The following AREL1 variants were observed in gnomAD, a reference collection of about 807,000 sequenced individuals.
AREL1 encodes apoptosis resistant E3 ubiquitin protein ligase 1.
Under a neutral mutation model 99.0 loss-of-function variants are expected in AREL1, and 62 were observed. The observed-to-expected ratio is 0.63, with a 90% confidence interval of 0.51 to 0.77. The LOEUF is 0.77. Among genes scored for constraint, AREL1 ranks in the 30% least tolerant of loss-of-function variants. The pLI is 0.00. For missense variants in AREL1, 879 were observed against 1,027.6 expected (o/e 0.86, Z 1.98); for synonymous variants, 380 against 376.5 (o/e 1.01, Z -0.11).
chr14:74,694,631 G>A (rs1485297671), intron 1 of AREL1, among the ~76,000 whole-genome samples: 4 of 152,064 alleles, frequency 2.6e-5, no homozygotes, highest in Non-Finnish European at 5.9e-5. Context: ...CACATTTTTG[G>A]TGGGGACTGA....
At chr14:74,688,019 CTTTTTTTTTTTT>C (rs764034669) in intron 2 of AREL1, among the ~76,000 whole-genome samples, 1 of 108,704 alleles carries the variant, frequency 9.2e-6, no homozygotes, top group Non-Finnish European at 1.9e-5. Context: ...TGAGTACTTA[CTTTTTTTTTTTT>C]TTTTTTTTTT....
At chr14:74,712,037 GCAAAAAAAAAA>G (rs2090304779) in intron 1 of AREL1, 1 of 11,364 alleles carries the variant, frequency 8.8e-5, no homozygotes, top group Non-Finnish European at 1.7e-4. Flanking sequence ...AAGACAAAGT[GCAAAAAAAAAA>G]AAAAAAAAAA....
At chr14:74,672,557 C>T (rs1239677091) in intron 11 of AREL1, among the ~76,000 whole-genome samples, 1 of 151,952 alleles carries the variant, frequency 6.6e-6, no homozygotes, top group African/African-American at 2.4e-5. Context: ...AGCAATATGG[C>T]AAAATCCCAT....
chr14:74,692,497 C>T (rs2089903647), intron 1 of AREL1, among the ~76,000 whole-genome samples, 169 bp from the exon 2 acceptor site: 3 of 152,188 alleles, frequency 2.0e-5, no homozygotes, highest in South Asian at 2.1e-4. Context: ...AAACTCCACA[C>T]AGTTTCCTTG....
At chr14:74,710,335 G>A (rs2090256853) in intron 1 of AREL1, among the ~76,000 whole-genome samples, 1 of 152,160 alleles carries the variant, frequency 6.6e-6, no homozygotes, top group African/African-American at 2.4e-5. Context: ...CTCAATAGAG[G>A]TTACAATAGA....
In AREL1 at chr14:74,684,487, A is replaced by G; in HGVS notation, c.210T>C (p.Tyr70=). The change falls in exon 4 of 20, where the codon TAT becomes TAC. Residue 70 remains tyrosine, a synonymous_variant. Transcript: ENST00000356357. Reference sequence around the variant, plus strand: ...GGAAGGCCATGCTGTGGCCCACCTCATAGGGGTCCTTCCAATCCCAGGAGA... The same window carrying G: ...GGAAGGCCATGCTGTGGCCCACCTCGTAGGGGTCCTTCCAATCCCAGGAGA... ...CKVSWDWKDP[Y]EVGHSMAFRV... is the part of the protein sequence containing the mutation. The G allele has an allele frequency of 6.2e-7, 1 of 1,614,166 alleles. No homozygotes were observed. The highest frequency in any genetic ancestry group is 8.5e-7 in the Non-Finnish European group (1 of 1,180,008).
Position 74,669,724 on chromosome 14 carries a change from G to C in AREL1, c.1839C>G (p.Ile613Met). ...CCATCTCACTCATGTCATTGTTGAG[G>C]ATAAAACAAACTTTAGATTTGTAGA... ...PEFYKSKVCF[I>M]LNNDMSEMEL... The change falls in exon 15 of 20, where the codon ATC (isoleucine) becomes ATG (methionine). Residue 613 changes from isoleucine (I) to methionine (M), a missense_variant. Physicochemically the swap from Ile to Met is conservative, Grantham distance 10. Transcript: ENST00000356357. 1 of 1,614,104 alleles carries C rather than the reference G, an allele frequency of 6.2e-7. No individual in the cohort carries two copies. Among genetic ancestry groups the C allele is most frequent in the Non-Finnish European group, 8.5e-7 (1 of 1,180,000 alleles).
chr14:74,705,778 A>G (rs995256154), intron 1 of AREL1, among the ~76,000 whole-genome samples: 5 of 152,324 alleles, frequency 3.3e-5, no homozygotes, highest in African/African-American at 9.6e-5. Context: ...ATTCTCTCTA[A>G]AACAAGCCAG....
intron 2 of AREL1, 127 bp downstream of exon 2, chr14:74,691,914 C>A: frequency 5.7e-6 from 1 of 175,470 alleles, no homozygotes; most frequent in South Asian, 1.0e-4. Context: ...CTGCTGGGGA[C>A]AAAGTCAATT....
chr14:74,689,981 C>T (rs2089839750), intron 2 of AREL1, among the ~76,000 whole-genome samples: 1 of 151,568 alleles, frequency 6.6e-6, no homozygotes, highest in African/African-American at 2.4e-5. Context: ...GGCATGGTGG[C>T]TCATGTCTGT....
intron 1 of AREL1, among the ~76,000 whole-genome samples, chr14:74,707,966 A>G (rs2090217149): frequency 6.6e-6 from 1 of 152,038 alleles, no homozygotes; most frequent in Non-Finnish European, 1.5e-5. Flanking sequence ...TCAGAAAAAA[A>G]AAAAAAAAAA....
chr14:74,702,938 A>G (rs1310495154), intron 1 of AREL1, among the ~76,000 whole-genome samples: 2 of 152,168 alleles, frequency 1.3e-5, no homozygotes, highest in South Asian at 4.1e-4. Flanking sequence ...TTCAATGTCC[A>G]TATCATCACC....
intron 1 of AREL1, among the ~76,000 whole-genome samples, chr14:74,702,535 C>T (rs1030012339): frequency 3.3e-5 from 5 of 152,146 alleles, no homozygotes; most frequent in Admixed American, 2.6e-4. Flanking sequence ...CCTTCAAAAC[C>T]ATTTTTTCCT....
At chr14:74,699,970 TGGGTTGCCA>T (rs2090053061) in intron 1 of AREL1, among the ~76,000 whole-genome samples, 1 of 152,210 alleles carries the variant, frequency 6.6e-6, no homozygotes, top group African/African-American at 2.4e-5. Context: ...ACCAGGCTGC[TGGGTTGCCA>T]GGTTATGAGG....
At chr14:74,681,664 T>A (rs573308513) in intron 5 of AREL1, among the ~76,000 whole-genome samples, 1 of 151,416 alleles carries the variant, frequency 6.6e-6, no homozygotes, top group African/African-American at 2.4e-5. Flanking sequence ...TCCCAGCTAC[T>A]CAGCGTGAGG....
In AREL1 at chr14:74,685,626, C is replaced by A. The variant is rs1268431560; in HGVS notation, c.-11G>T. 6.2e-7 allele frequency: 1 copy of A among 1,614,188 alleles called. No homozygotes were observed. Among genetic ancestry groups the A allele is most frequent in the South Asian group, 1.1e-5 (1 of 91,082 alleles). On this transcript the variant is annotated 5_prime_UTR_variant, in exon 3 of 20. Transcript: ENST00000356357. ...AATAACGTAAAACATCAGGTCCCGT[C>A]AATGCCAACAGACAGCCGAGGATCA...
chr14:74,707,090 G>A (rs926551037), intron 1 of AREL1, among the ~76,000 whole-genome samples: 4 of 152,138 alleles, frequency 2.6e-5, no homozygotes, highest in Admixed American at 1.3e-4. Context: ...CGATCTGGTC[G>A]GGCACAGTGA....
chr14:74,670,090 G>GCC lies in AREL1; in HGVS notation c.1644_1645insGG (p.Leu549GlyfsTer2), dbSNP rs1223630041. On this transcript the variant is annotated frameshift_variant, in exon 14 of 20. Transcript: ENST00000356357. LOFTEE classifies it high-confidence loss of function. ...CGTCCCGCAAACTCATACATTTTCA[G>GCC]GCGCAGATGAGCGGGGCGATTAGGG... is the stretch of plus-strand genomic sequence containing the variant. 1.2e-6 allele frequency: 2 copies of GCC among 1,613,402 alleles called. No individual in the cohort carries two copies. Among genetic ancestry groups the GCC allele is most frequent in the Non-Finnish European group, 1.7e-6 (2 of 1,179,500 alleles).
intron 3 of AREL1, 143 bp downstream of exon 3, chr14:74,685,457 G>T: frequency 1.1e-6 from 1 of 931,858 alleles, no homozygotes; most frequent in Non-Finnish European, 1.7e-6. Context: ...GAATTCCAAT[G>T]CCAACTCTGT....
Sources: gnomAD v4.1 joint callset for allele counts (sites outside exome capture counted in the v4.1 genomes callset) on GRCh38, gnomAD v4.1.1 for gene constraint, MANE v1.5 for transcripts, NCBI Gene and HGNC (gene_info 2026-07-23, HGNC 2026-07-21) for gene names.